The following PTK2 variants were observed in gnomAD, a reference collection of about 807,000 sequenced individuals.
PTK2 encodes focal adhesion kinase 1.
A neutral mutation model predicts 150.1 loss-of-function variants in PTK2; 45 were observed. The ratio of observed to expected loss-of-function variants is 0.30; its 90% confidence interval spans 0.24 to 0.38. PTK2 has a LOEUF of 0.38. PTK2 is among the 10% of genes least tolerant of loss of function. The pLI, the probability that PTK2 is intolerant of heterozygous loss-of-function variation, is 1.00. For missense variants in PTK2, 919 were observed against 1,307.3 expected (o/e 0.70, Z 4.58); for synonymous variants, 432 against 449.2 (o/e 0.96, Z 0.48).
rs1047752826 is a variant in PTK2 at position 140,718,241 on chromosome 8, A to C, written c.2031-532T>G. 2.0e-5 allele frequency: 3 copies of C among 153,676 alleles called. No homozygotes were observed. In the East Asian group the frequency reaches 5.7e-4, roughly 29 times the overall value. The allele number at this position is 153,676 out of a possible 1,614,324, so 9.5% of individuals were successfully genotyped here. The stretch of plus-strand genomic sequence containing the variant: ...TCAGGAAAATAAGCAAAAACACAAC[A>C]GTATTTACAAGTGCTTCTGAAAATA... On this transcript the variant is annotated intron_variant, in intron 22 of 31. Transcript: ENST00000522684.
At chr8:140,896,206 A>C (rs1244729501) in intron 2 of PTK2, among the ~76,000 whole-genome samples, 2 of 152,350 alleles carry the variant, frequency 1.3e-5, no homozygotes, top group Non-Finnish European at 1.5e-5. Context: ...CTCCCCACAA[A>C]GGAACATTTT....
intron 17 of PTK2, among the ~76,000 whole-genome samples, chr8:140,748,400 G>A (rs1314725023): frequency 6.6e-6 from 1 of 151,466 alleles, no homozygotes; most frequent in Non-Finnish European, 1.5e-5. Flanking sequence ...GGCTGAGGCA[G>A]CAGACTCACT....
chr8:140,667,333 A>G (rs1320432885), intron 30 of PTK2, among the ~76,000 whole-genome samples: 3 of 152,240 alleles, frequency 2.0e-5, no homozygotes, highest in Non-Finnish European at 4.4e-5. Context: ...ACTGGCTTAG[A>G]GCAAATTTCG....
chr8:140,911,055 T>C (rs574388924), intron 2 of PTK2, among the ~76,000 whole-genome samples: 1 of 152,074 alleles, frequency 6.6e-6, no homozygotes, highest in East Asian at 1.9e-4. Context: ...AATTTTTTTT[T>C]TTTTTTTGTA....
At chr8:140,669,301 G>GTATGTATATATATATATA (rs547959878) in intron 29 of PTK2, 14 of 97,990 alleles carry the variant, frequency 1.4e-4, no homozygotes, top group African/African-American at 6.0e-4. Flanking sequence ...GCATAAAATG[G>GTATGTATATATATATATA]TATATATATA....
intron 27 of PTK2, among the ~76,000 whole-genome samples, chr8:140,676,413 A>AATAT (rs34034698): frequency 1.2e-4 from 12 of 99,414 alleles, no homozygotes; most frequent in East Asian, 5.0e-4. Context: ...TTAATTAATT[A>AATAT]ATATATATAT....
chr8:140,751,902 C>A (rs766306833), intron 17 of PTK2: 10 of 533,846 alleles, frequency 1.9e-5, no homozygotes, highest in South Asian at 1.1e-4. Context: ...GTCATGCTCA[C>A]CTCTGCATTC....
intron 14 of PTK2, among the ~76,000 whole-genome samples, chr8:140,778,863 G>C (rs1227093388): frequency 6.6e-6 from 1 of 152,176 alleles, no homozygotes; most frequent in Non-Finnish European, 1.5e-5. Flanking sequence ...CAGTCAGAGA[G>C]GGTTTTCTTA....
intron 4 of PTK2, among the ~76,000 whole-genome samples, chr8:140,869,462 G>C (rs1234349650): frequency 6.6e-6 from 1 of 152,076 alleles, no homozygotes; most frequent in Non-Finnish European, 1.5e-5. Flanking sequence ...TTCTGCTCAG[G>C]GAGACTGTGA....
intron 4 of PTK2, among the ~76,000 whole-genome samples, chr8:140,873,320 A>G (rs749825940): frequency 1.3e-5 from 2 of 152,246 alleles, no homozygotes; most frequent in Non-Finnish European, 2.9e-5. Flanking sequence ...AACTGGAGGT[A>G]GAGTTTCACT....
intron 3 of PTK2, among the ~76,000 whole-genome samples, chr8:140,889,535 C>A (rs1372135922): frequency 6.6e-6 from 1 of 151,496 alleles, no homozygotes; most frequent in African/African-American, 2.4e-5. Flanking sequence ...GACCTGTTGG[C>A]CTTAAATCTA....
At chr8:140,720,246 T>C (rs2100042146) in intron 22 of PTK2, among the ~76,000 whole-genome samples, 1 of 152,218 alleles carries the variant, frequency 6.6e-6, no homozygotes, top group Admixed American at 6.5e-5. Flanking sequence ...TTTATTTTAA[T>C]TTATGACTTA....
At chr8:140,668,514 T>C (rs2093732134) in intron 29 of PTK2, 90 bp from the exon 34 acceptor site, 3 of 1,397,448 alleles carry the variant, frequency 2.1e-6, no homozygotes, top group Middle Eastern at 5.2e-4. Context: ...TTACAAGAGA[T>C]CAAAGCAGAT....
At chr8:140,726,043 AAAG>A (rs1226308990) in intron 22 of PTK2, among the ~76,000 whole-genome samples, 2 of 152,200 alleles carry the variant, frequency 1.3e-5, no homozygotes, top group Admixed American at 6.5e-5. Flanking sequence ...AATACAAAAA[AAAG>A]AAGCAAACAA....
At chr8:140,778,504 A>G (rs1464452026) in intron 14 of PTK2, among the ~76,000 whole-genome samples, 1 of 152,230 alleles carries the variant, frequency 6.6e-6, no homozygotes, top group African/African-American at 2.4e-5. Flanking sequence ...TGTGAGATCA[A>G]GGCAGGCAGC....
rs372002313 is a variant in PTK2 at position 140,674,151 on chromosome 8, T to C, written c.2709+147A>G. 196 of 832,682 alleles carry C rather than the reference T, an allele frequency of 2.4e-4. 2 individuals are homozygous for C. The African/African-American group carries it at 2.4e-3, about 10-fold the overall frequency. 51.6% of individuals were successfully genotyped at this position (832,682 alleles called of 1,614,324 possible). On this transcript the variant is annotated intron_variant, in intron 29 of 31. Transcript: ENST00000522684. ...TCAGAGGGGTTCAGAACCAGACCAATTGACTCCTGGGTCTCACTGCAGTTC... is the reference window on the plus strand; with the variant it reads ...TCAGAGGGGTTCAGAACCAGACCAACTGACTCCTGGGTCTCACTGCAGTTC...
intron 14 of PTK2, among the ~76,000 whole-genome samples, chr8:140,768,739 T>C (rs868287950): frequency 1.4e-4 from 21 of 152,216 alleles, no homozygotes; most frequent in African/African-American, 4.1e-4. Context: ...CAGCTGCTAA[T>C]TGATTATTAT....
intron 1 of PTK2, among the ~76,000 whole-genome samples, chr8:140,982,276 A>G (rs1369604522): frequency 1.3e-5 from 2 of 152,254 alleles, no homozygotes; most frequent in African/African-American, 2.4e-5. Context: ...ACATTGGATC[A>G]TTAAGATAGA....
chr8:140,803,546 G>A (rs778955569), exon 11 of PTK2: 6 of 1,605,526 alleles, frequency 3.7e-6, no homozygotes, highest in Middle Eastern at 1.7e-4. Flanking sequence ...TCCTTACCTC[G>A]GGTGCACCTG....
Sources: gnomAD v4.1 joint callset for allele counts (sites outside exome capture counted in the v4.1 genomes callset) on GRCh38, gnomAD v4.1.1 for gene constraint, MANE v1.5 for transcripts, NCBI Gene and HGNC (gene_info 2026-07-23, HGNC 2026-07-21) for gene names.